Variants in MDGA2 observed in about 807,000 individuals in gnomAD.
The protein encoded by MDGA2 is MAM domain-containing glycosylphosphatidylinositol anchor protein 2.
A neutral mutation model predicts 117.8 loss-of-function variants in MDGA2; 40 were observed. The observed-to-expected ratio is 0.34, with a 90% CI of 0.26 to 0.44. The LOEUF is 0.44. Among genes scored for constraint, MDGA2 ranks in the 20% least tolerant of loss-of-function variants. The pLI is 1.00. For missense variants in MDGA2, 1,123 were observed against 1,250.6 expected (o/e 0.90, Z 1.54); for synonymous variants, 452 against 439.0 (o/e 1.03, Z -0.37).
intron 1 of MDGA2, among the ~76,000 whole-genome samples, chr14:47,362,406 A>G (rs1292269295): frequency 1.3e-5 from 2 of 152,196 alleles, no homozygotes; most frequent in East Asian, 1.9e-4. Context: ...TATCATTTAT[A>G]TAATGTTTAT....
chr14:47,288,700 A>C (rs1380591602), intron 2 of MDGA2, among the ~76,000 whole-genome samples: 1 of 152,162 alleles, frequency 6.6e-6, no homozygotes, highest in East Asian at 1.9e-4. Context: ...TGTTATTTTT[A>C]GTTTTTTTGT....
chr14:47,370,045 A>T (rs1333078425), intron 1 of MDGA2, among the ~76,000 whole-genome samples: 3 of 152,160 alleles, frequency 2.0e-5, no homozygotes, highest in South Asian at 4.1e-4. Context: ...ATGTTGAAAT[A>T]TGAAGGCAAA....
Position 47,502,584 on chromosome 14 carries a change from T to C in MDGA2, c.280+171933A>G, listed in dbSNP as rs75998155. Among the ~76,000 whole-genome samples, 166 of 152,320 alleles carry C rather than the reference T, an allele frequency of 1.1e-3. 3 individuals carry two copies. The East Asian group carries it at 0.031, about 28-fold the overall frequency. On this transcript the variant is annotated intron_variant, in intron 1 of 16. Transcript: ENST00000399232. ...TTCTGAGAAGGTTTTTATTAAATAC[T>C]ACACAAAGAACTGAAATAGTTTGTG...
At position 46,884,038 on chromosome 14, in the gene MDGA2, A is replaced by T. The variant is rs1882569760; in HGVS notation, c.2239-1817T>A. 6.6e-6 allele frequency among the ~76,000 whole-genome samples: 1 copy of T among 152,014 alleles called. No individual in the cohort carries two copies. On this transcript the variant is annotated intron_variant, in intron 10 of 16. Transcript: ENST00000399232. The surrounding 1 kb of genome is among the most constrained non-coding windows in gnomAD (Gnocchi z 4.1). ...TCACTGGTGCTGATAATATGGCTTA[A>T]AATTCTATTATTGGGGGTTATCTGT...
rs1896216273 is a variant in MDGA2, at chr14:47,580,829, T to C, written c.280+93688A>G. Among the ~76,000 whole-genome samples the C allele has an allele frequency of 1.3e-5, 2 of 152,016 alleles. 1 individual carries two copies. Among genetic ancestry groups the C allele is most frequent in the South Asian group, 4.1e-4 (2 of 4,828 alleles). On this transcript the variant is annotated intron_variant, in intron 1 of 16. Coordinates refer to ENST00000399232, the MANE Select transcript of MDGA2 (RefSeq NM_001113498.3). ...TGCTTCCACTACATAACATGCTGCC[T>C]GTTTCCTCTTAGCCAACTTGGTGAC...
chr14:47,243,561 CA>C (rs1287747209), intron 2 of MDGA2, among the ~76,000 whole-genome samples: 1 of 151,526 alleles, frequency 6.6e-6, no homozygotes, highest in Non-Finnish European at 1.5e-5. Flanking sequence ...ACGAGCCCAC[CA>C]GGAGGAACGA....
intron 1 of MDGA2, among the ~76,000 whole-genome samples, chr14:47,499,339 T>A (rs1894351213): frequency 1.3e-5 from 2 of 152,118 alleles, no homozygotes; most frequent in Non-Finnish European, 2.9e-5. Flanking sequence ...ATTGTAGATT[T>A]TGCCTATATA....
intron 1 of MDGA2, among the ~76,000 whole-genome samples, chr14:47,590,883 G>C (rs1896424307): frequency 6.6e-6 from 1 of 151,892 alleles, no homozygotes; most frequent in Admixed American, 6.6e-5. Flanking sequence ...ATATTTTCCA[G>C]TATGTTCACT....
chr14:47,343,849 A>G (rs1890702953), intron 1 of MDGA2, among the ~76,000 whole-genome samples: 1 of 152,146 alleles, frequency 6.6e-6, no homozygotes, highest in African/African-American at 2.4e-5. Flanking sequence ...CAGTTAAGGT[A>G]ATATGCATTA....
At chr14:46,873,262 A>G (rs1566501698) in intron 14 of MDGA2, 171 bp downstream of exon 14, 1 of 536,792 alleles carries the variant, frequency 1.9e-6, no homozygotes. Context: ...TCTAAATTAG[A>G]TGGTGGGAAA....
At chr14:47,362,796 G>T (rs987224403) in intron 1 of MDGA2, among the ~76,000 whole-genome samples, 2 of 151,996 alleles carry the variant, frequency 1.3e-5, no homozygotes, top group African/African-American at 4.8e-5. Flanking sequence ...TTGACAATAG[G>T]TATTATTTTA....
intron 9 of MDGA2, among the ~76,000 whole-genome samples, chr14:46,934,797 T>C (rs1884716574): frequency 6.6e-6 from 1 of 152,144 alleles, no homozygotes; most frequent in Non-Finnish European, 1.5e-5. Flanking sequence ...CTTAATTTTA[T>C]ATTAAAAAAA....
chr14:47,621,382 G>A (rs1438260431), intron 1 of MDGA2, among the ~76,000 whole-genome samples: 1 of 151,602 alleles, frequency 6.6e-6, no homozygotes, highest in Non-Finnish European at 1.5e-5. Context: ...TAGAGACATG[G>A]ACTTGCTCTA....
At chr14:47,426,171 A>G (rs1892685208) in intron 1 of MDGA2, among the ~76,000 whole-genome samples, 1 of 152,090 alleles carries the variant, frequency 6.6e-6, no homozygotes, top group African/African-American at 2.4e-5. Flanking sequence ...ATACTTCACA[A>G]AGTATTTGCT....
chr14:47,385,226 A>G (rs1891730491), intron 1 of MDGA2, among the ~76,000 whole-genome samples: 1 of 152,190 alleles, frequency 6.6e-6, no homozygotes, highest in Admixed American at 6.5e-5. Context: ...AATTATAACT[A>G]TATAAATATA....
intron 15 of MDGA2, among the ~76,000 whole-genome samples, chr14:46,848,871 C>T (rs757821682): frequency 6.6e-6 from 1 of 151,978 alleles, no homozygotes; most frequent in Non-Finnish European, 1.5e-5. Flanking sequence ...CAAAGCGTCA[C>T]GTGTCCAGAG....
intron 5 of MDGA2, among the ~76,000 whole-genome samples, chr14:47,101,459 C>T (rs1279400448): frequency 6.6e-6 from 1 of 152,082 alleles, no homozygotes; most frequent in Non-Finnish European, 1.5e-5. Flanking sequence ...ACACCAAATC[C>T]CAAACATCTG....
At chr14:47,028,624 G>A (rs1888556848) in intron 8 of MDGA2, among the ~76,000 whole-genome samples, 2 of 152,164 alleles carry the variant, frequency 1.3e-5, no homozygotes, top group South Asian at 4.1e-4. Flanking sequence ...CCAAGAGGCA[G>A]TATAGAGGGT....
At chr14:47,073,778 C>A (rs963298330) in intron 6 of MDGA2, among the ~76,000 whole-genome samples, 1 of 152,142 alleles carries the variant, frequency 6.6e-6, no homozygotes, top group Non-Finnish European at 1.5e-5. Context: ...TTCATGGGTA[C>A]TGGAATAGGA....
Sources: gnomAD v4.1 joint callset for allele counts (sites outside exome capture counted in the v4.1 genomes callset) on GRCh38, gnomAD v4.1.1 for gene constraint, Gnocchi (gnomAD v3.1) non-coding constraint, MANE v1.5 for transcripts, NCBI Gene and HGNC (gene_info 2026-07-23, HGNC 2026-07-21) for gene names.